TEDC1: variants seen among roughly 807,000 people sequenced by gnomAD.
The protein encoded by TEDC1 is tubulin epsilon and delta complex protein 1.
In TEDC1, 54 loss-of-function variants were observed where a neutral mutation model predicts 59.9. The ratio of observed to expected loss-of-function variants is 0.90; its 90% confidence interval spans 0.72 to 1.13. The LOEUF (loss-of-function observed/expected upper bound fraction) is 1.13. Ranked by LOEUF, TEDC1 falls within the 50% of genes most tolerant of loss-of-function variation. TEDC1 has a pLI of 0.00. For missense variants in TEDC1, 734 were observed against 683.4 expected, an observed-to-expected ratio of 1.07 and a Z score of -0.83; for synonymous variants, 353 against 298.1, an observed-to-expected ratio of 1.18 and a Z score of -1.90.
chr14:105,496,379 C>A, intron 6 of TEDC1: 1 of 423,222 alleles, frequency 2.4e-6, no homozygotes, highest in Non-Finnish European at 4.3e-6. Context: ...CTCATATTCT[C>A]TGACCGCAGG....
Position 105,499,240 on chromosome 14 carries a change from C to A in TEDC1, c.*294C>A. Reference sequence around the variant, plus strand: ...AGCAGCTTTCCTGCCGCTGGCCCTCCCCCTGCCACCCTGTCGGGTTTCCCT... The same window carrying A: ...AGCAGCTTTCCTGCCGCTGGCCCTCACCCTGCCACCCTGTCGGGTTTCCCT... On this transcript the variant is annotated 3_prime_UTR_variant, in exon 9 of 9. Transcript: ENST00000392523. 3.9e-6 allele frequency: 2 copies of A among 509,268 alleles called. No individual in the cohort carries two copies. Among genetic ancestry groups the A allele is most frequent in the Non-Finnish European group, 3.5e-6 (1 of 284,470 alleles). The allele number at this position is 509,268 out of a possible 1,614,324, so 31.5% of individuals were successfully genotyped here. A position where few individuals can be genotyped will look rare whatever the true frequency, so the allele number is the denominator to read the frequency against.
intron 5 of TEDC1, chr14:105,494,212 G>A: frequency 1.9e-6 from 1 of 525,904 alleles, no homozygotes; most frequent in East Asian, 3.3e-5. Context: ...CAGGCAGCTG[G>A]CTAAGGGCAG....
intron 1 of TEDC1, 28 bp downstream of exon 1, chr14:105,491,550 C>T (rs1000740184): frequency 6.5e-6 from 10 of 1,529,152 alleles, no homozygotes; most frequent in Non-Finnish European, 7.9e-6. Flanking sequence ...GGCAGGCGGG[C>T]CGGGTGGGGT....
At chr14:105,493,613 A>G (rs191726360) in intron 4 of TEDC1, among the ~76,000 whole-genome samples, 1 of 152,106 alleles carries the variant, frequency 6.6e-6, no homozygotes, top group Admixed American at 6.5e-5. Flanking sequence ...CCATCAGTGA[A>G]ATTGCCTGGC....
chr14:105,491,569 C>T, intron 1 of TEDC1, 47 bp downstream of exon 1: 1 of 1,544,466 alleles, frequency 6.5e-7, no homozygotes, highest in Non-Finnish European at 8.7e-7. Context: ...GTCCCGGGCC[C>T]TCGCAGGGAG....
rs149582667 is a variant in TEDC1 at position 105,499,236 on chromosome 14, C to T, written c.*290C>T. ...TTGTAGCAGCTTTCCTGCCGCTGGCCCTCCCCCTGCCACCCTGTCGGGTTT... is the reference window on the plus strand; with the variant it reads ...TTGTAGCAGCTTTCCTGCCGCTGGCTCTCCCCCTGCCACCCTGTCGGGTTT... On this transcript the variant is annotated 3_prime_UTR_variant, in exon 9 of 9. Coordinates refer to ENST00000392523, the MANE Select transcript of TEDC1 (RefSeq NM_001367178.1). The T allele has an allele frequency of 4.5e-3, 2,322 of 513,416 alleles. 82 individuals carry two copies. The East Asian group carries it at 0.07, about 16-fold the overall frequency. 31.8% of individuals were successfully genotyped at this position (513,416 alleles called of 1,614,324 possible).
At chr14:105,496,149 T>TGGGGGGGGGGGGGGGGGG in intron 6 of TEDC1, 63 bp downstream of exon 6, 1 of 81,278 alleles carries the variant, frequency 1.2e-5, no homozygotes, top group Non-Finnish European at 2.2e-5. Context: ...TGGGAGGGGG[T>TGGGGGGGGGGGGGGGGGG]GGCGAGGGGG....
At chr14:105,496,820 C>G (rs1456332976) in intron 6 of TEDC1, 2 of 165,898 alleles carry the variant, frequency 1.2e-5, no homozygotes, top group African/African-American at 4.8e-5. Flanking sequence ...CCTTCTCTGC[C>G]ACCTGGGTCA....
In TEDC1 at chr14:105,491,323, G is replaced by A; in HGVS notation, c.-53G>A. The A allele has an allele frequency of 6.8e-7, 1 of 1,469,878 alleles. No homozygotes were observed. The highest frequency in any genetic ancestry group is 9.0e-7 in the Non-Finnish European group (1 of 1,114,872). 91.1% of individuals were successfully genotyped at this position (1,469,878 alleles called of 1,614,324 possible). ...CCGGCCCGTGCGGTGATTGGACGCA[G>A]GCCCCGGGCCGCGGCGGAGGCGGGC... On this transcript the variant is annotated 5_prime_UTR_variant, in exon 1 of 9. Transcript: ENST00000392523.
Position 105,499,118 on chromosome 14 carries a change from T to C in TEDC1, c.*172T>C. ...GCTGACTCTGGCCGGATCCCAGGCC[T>C]GTGGCTAGCAGCACTGGGGACAGGA... is the stretch of plus-strand genomic sequence containing the variant. On this transcript the variant is annotated 3_prime_UTR_variant, in exon 9 of 9. Coordinates refer to ENST00000392523, the MANE Select transcript of TEDC1 (RefSeq NM_001367178.1). The C allele has an allele frequency of 1.4e-6, 1 of 703,864 alleles. No homozygotes were observed. Among genetic ancestry groups the C allele is most frequent in the Non-Finnish European group, 2.3e-6 (1 of 431,604 alleles). The allele number at this position is 703,864 out of a possible 1,614,324, so 43.6% of individuals were successfully genotyped here. A position where few individuals can be genotyped will look rare whatever the true frequency, so the allele number is the denominator to read the frequency against.
chr14:105,493,723 C>T (rs2084272334), intron 4 of TEDC1, 112 bp from the exon 5 acceptor site: 2 of 736,602 alleles, frequency 2.7e-6, no homozygotes, highest in Admixed American at 2.2e-5. Flanking sequence ...AGCCCTCTTT[C>T]CTCATCTGGG....
intron 3 of TEDC1, 55 bp downstream of exon 3, chr14:105,492,364 G>C: frequency 3.2e-6 from 5 of 1,586,672 alleles, no homozygotes; most frequent in South Asian, 1.1e-5. Context: ...CCTGGGGCCA[G>C]AGCAAGGGCA....
rs781939530 is a variant in TEDC1 at position 105,491,684 on chromosome 14, G to C, written c.210G>C (p.Leu70Phe). ...CGCCACTCCCTGCGGGCAACGCCTT[G>C]GCATCGCTCGCCCTGGGTAAGCCCC... ...VLSPLPAGNA[L>F]ASLALEVQAR... The change falls in exon 2 of 9, where the codon TTG becomes TTC. Residue 70 changes from leucine to phenylalanine, a missense_variant. Leu to Phe is a conservative substitution (Grantham distance 22). Coordinates refer to ENST00000392523, the MANE Select transcript of TEDC1 (RefSeq NM_001367178.1). 3 of 1,549,128 alleles carry C rather than the reference G, an allele frequency of 1.9e-6. No individual in the cohort carries two copies. In the South Asian group the frequency reaches 3.6e-5, roughly 18 times the overall value.
intron 2 of TEDC1, among the ~76,000 whole-genome samples, 167 bp downstream of exon 2, chr14:105,491,867 G>A (rs1415032037): frequency 1.3e-5 from 2 of 151,862 alleles, no homozygotes; most frequent in Non-Finnish European, 2.9e-5. Flanking sequence ...CACGCCCCCT[G>A]ATGGGCCCTA....
chr14:105,493,786 G>A, intron 4 of TEDC1, 49 bp from the exon 5 acceptor site: 1 of 1,348,762 alleles, frequency 7.4e-7, no homozygotes, highest in Non-Finnish European at 1.0e-6. Flanking sequence ...CAGCGTTGGG[G>A]GAGGTGCTTG....
At position 105,492,141 on chromosome 14, in the gene TEDC1, C is replaced by T. The variant is rs1555439547; in HGVS notation, c.261C>T (p.Cys87=). The change falls in exon 3 of 9, where the codon TGC becomes TGT. Residue 87 remains cysteine, a synonymous_variant. Transcript: ENST00000392523. The stretch of plus-strand genomic sequence containing the variant: ...CCCGCTTGGTGAAGTCAGCACTATG[C>T]TCCCAGGGCTACCCGAGGCTGGCAC... ...VQARLVKSAL[C]SQGYPRLALA... The T allele has an allele frequency of 3.7e-6, 6 of 1,612,480 alleles. No homozygotes were observed. Among genetic ancestry groups the T allele is most frequent in the East Asian group, 2.2e-5 (1 of 44,874 alleles).
chr14:105,491,824 T>A, intron 2 of TEDC1, 124 bp downstream of exon 2: 9 of 1,158,590 alleles, frequency 7.8e-6, no homozygotes, highest in Non-Finnish European at 1.1e-5. Flanking sequence ...CTGACCCCGC[T>A]TGCTCCTCAA....
Position 105,491,655 on chromosome 14 carries a change from C to G in TEDC1, c.181C>G (p.Leu61Val). 6.5e-7 allele frequency: 1 copy of G among 1,549,708 alleles called. No individual in the cohort carries two copies. The highest frequency in any genetic ancestry group is 8.7e-7 in the Non-Finnish European group (1 of 1,146,858). ...SALWQLLFRV[L>V]SPLPAGNALA... ...GCTCTGGCAGCTCCTCTTCCGTGTG[C>G]TCTCGCCACTCCCTGCGGGCAACGC... The change falls in exon 2 of 9, where the codon CTC (leucine) becomes GTC (valine). Residue 61 changes from leucine (L) to valine (V), a missense_variant. Coordinates refer to ENST00000392523, the MANE Select transcript of TEDC1 (RefSeq NM_001367178.1).
upstream of TEDC1, chr14:105,491,111 C>T: frequency 6.4e-7 from 1 of 1,551,380 alleles, no homozygotes; most frequent in Non-Finnish European, 8.7e-7. Context: ...GCATGTCCGG[C>T]CAGCGCGGTG....
Sources: gnomAD v4.1 joint callset for allele counts (sites outside exome capture counted in the v4.1 genomes callset) on GRCh38, gnomAD v4.1.1 for gene constraint, MANE v1.5 for transcripts, NCBI Gene and HGNC (gene_info 2026-07-23, HGNC 2026-07-21) for gene names.